FAM184A: variants seen among roughly 807,000 people sequenced by gnomAD.
FAM184A encodes protein FAM184A.
FAM184A carries 99 observed loss-of-function variants against 143.8 expected under a neutral mutation model. The observed-to-expected ratio is 0.69, with a 90% CI of 0.58 to 0.81. The LOEUF is 0.81. Ranked by LOEUF, FAM184A falls within the 40% of genes least tolerant of loss-of-function variation. The pLI, the probability that FAM184A is intolerant of heterozygous loss-of-function variation, is 0.00. For missense variants in FAM184A, 1,217 were observed against 1,310.5 expected (o/e 0.93, Z 1.10); for synonymous variants, 427 against 446.4 (o/e 0.96, Z 0.55).
At chr6:119,134,758 C>G (rs1789619906) in intron 1 of FAM184A, among the ~76,000 whole-genome samples, 1 of 152,006 alleles carries the variant, frequency 6.6e-6, no homozygotes, top group African/African-American at 2.4e-5. Flanking sequence ...GGGAAAAACT[C>G]ACAGGCAGAA....
chr6:119,137,694 C>G (rs1772061483), intron 1 of FAM184A, among the ~76,000 whole-genome samples: 1 of 152,168 alleles, frequency 6.6e-6, no homozygotes, highest in Non-Finnish European at 1.5e-5. Context: ...TTTCCTGAGT[C>G]ATCTGTCAGG....
intron 5 of FAM184A, among the ~76,000 whole-genome samples, chr6:119,016,247 A>G (rs1165945513): frequency 6.6e-6 from 1 of 152,208 alleles, no homozygotes; most frequent in East Asian, 1.9e-4. Context: ...AGATAAGAGA[A>G]TAAAAGCAGG....
At chr6:119,104,184 C>T in intron 1 of FAM184A, among the ~76,000 whole-genome samples, 1 of 152,044 alleles carries the variant, frequency 6.6e-6, no homozygotes, top group East Asian at 1.9e-4. Context: ...CCACCAAGCC[C>T]AGCTAATTTT....
At chr6:119,068,047 G>GTTT (rs148034802) in intron 1 of FAM184A, among the ~76,000 whole-genome samples, 1 of 112,282 alleles carries the variant, frequency 8.9e-6, no homozygotes, top group Non-Finnish European at 1.9e-5. Context: ...TTGTGTGTGG[G>GTTT]TTTTTTTTTT....
chr6:118,969,809 C>CA (rs1783620113), intron 14 of FAM184A, among the ~76,000 whole-genome samples: 4 of 146,432 alleles, frequency 2.7e-5, no homozygotes, highest in Non-Finnish European at 6.0e-5. Flanking sequence ...CCCCCCACCC[C>CA]GTGACAGGCC....
At chr6:119,034,045 G>T (rs62421118) in intron 1 of FAM184A, among the ~76,000 whole-genome samples, 496 of 25,712 alleles carry the variant, frequency 0.019, 1 homozygote, top group Middle Eastern at 0.04. Flanking sequence ...TATATATAGA[G>T]AGAGAGAGAG....
chr6:119,101,564 C>T (rs570114891), intron 1 of FAM184A, among the ~76,000 whole-genome samples: 2 of 152,262 alleles, frequency 1.3e-5, no homozygotes, highest in African/African-American at 2.4e-5. Context: ...CTTTTCCCAC[C>T]ATACCCACAT....
chr6:119,136,298 A>G (rs1455168028), intron 1 of FAM184A, among the ~76,000 whole-genome samples: 7 of 151,548 alleles, frequency 4.6e-5, no homozygotes, highest in Non-Finnish European at 7.4e-5. Flanking sequence ...AAAAAAAAAA[A>G]AAAAAAAAAG....
rs71556825 is a variant in FAM184A, at chr6:119,107,777, C to CA, written c.-202+41300dup. On this transcript the variant is annotated intron_variant, in intron 1 of 16. Coordinates refer to the FAM184A transcript ENST00000352896. Reference sequence around the variant, plus strand: ...TGGGTGACAGAGTGAGACTTTGTCTCAAAAAAAAAAAAAAAAAAGAAAGAA... The same window carrying CA: ...TGGGTGACAGAGTGAGACTTTGTCTCAAAAAAAAAAAAAAAAAAAGAAAGAA... Among the ~76,000 whole-genome samples, 255 of 100,778 alleles carry CA rather than the reference C, an allele frequency of 2.5e-3. 1 individual carries two copies. The highest frequency in any genetic ancestry group is 9.6e-3 in the African/African-American group (208 of 21,720). The allele number at this position is 100,778 out of a possible 152,430, so 66.1% of individuals were successfully genotyped here.
At chr6:118,963,761 A>T (rs553162477) in intron 16 of FAM184A, 21 of 150,022 alleles carry the variant, frequency 1.4e-4, no homozygotes, top group Non-Finnish European at 2.8e-4. Context: ...CTATGAAGCC[A>T]ATATATATAT....
At chr6:119,117,629 G>A (rs1789094503) in intron 1 of FAM184A, among the ~76,000 whole-genome samples, 1 of 152,194 alleles carries the variant, frequency 6.6e-6, no homozygotes, top group South Asian at 2.1e-4. Flanking sequence ...GGTTTATGAA[G>A]TACTTTATCT....
At chr6:119,103,368 T>C (rs568513716) in intron 1 of FAM184A, among the ~76,000 whole-genome samples, 18 of 152,328 alleles carry the variant, frequency 1.2e-4, no homozygotes, top group Non-Finnish European at 2.5e-4. Flanking sequence ...AGTTAACAAA[T>C]TTCTATTATT....
intron 1 of FAM184A, among the ~76,000 whole-genome samples, chr6:119,141,249 T>A (rs1036841966): frequency 8.5e-5 from 13 of 152,328 alleles, no homozygotes; most frequent in African/African-American, 3.1e-4. Flanking sequence ...ATTGCCCTGG[T>A]GTTGATCTTA....
At chr6:119,063,060 A>C (rs1010222963) in intron 1 of FAM184A, among the ~76,000 whole-genome samples, 2 of 151,882 alleles carry the variant, frequency 1.3e-5, no homozygotes, top group South Asian at 4.1e-4. Context: ...CATCAACAAA[A>C]AGGTGAAACC....
intron 1 of FAM184A, among the ~76,000 whole-genome samples, chr6:119,058,853 G>C (rs1787110081): frequency 6.6e-6 from 1 of 152,124 alleles, no homozygotes; most frequent in African/African-American, 2.4e-5. Flanking sequence ...CCAGCCATTT[G>C]AGTCTTCCAT....
At chr6:119,129,401 G>C (rs1789466520) in intron 1 of FAM184A, among the ~76,000 whole-genome samples, 2 of 152,168 alleles carry the variant, frequency 1.3e-5, no homozygotes, top group Non-Finnish European at 1.5e-5. Context: ...AAGCAGATGT[G>C]GTGGGGCTTT....
intron 9 of FAM184A, among the ~76,000 whole-genome samples, chr6:118,988,934 T>C (rs1259540255): frequency 6.6e-6 from 1 of 150,872 alleles, no homozygotes; most frequent in Non-Finnish European, 1.5e-5. Context: ...TGCTTTAACA[T>C]GGTTTTTACT....
intron 1 of FAM184A, among the ~76,000 whole-genome samples, chr6:119,144,163 T>C (rs1444405236): frequency 3.0e-5 from 1 of 32,924 alleles, no homozygotes; most frequent in African/African-American, 1.1e-4. Flanking sequence ...CTGTCTCTAC[T>C]AAAAATACAA....
intron 7 of FAM184A, among the ~76,000 whole-genome samples, 170 bp from the exon 8 acceptor site, chr6:119,003,792 T>C (rs550211444): frequency 1.3e-5 from 2 of 152,368 alleles, no homozygotes; most frequent in South Asian, 2.1e-4. Context: ...AAATAAAATA[T>C]GTAAAACAAA....
Sources: allele counts gnomAD v4.1 joint callset (sites outside exome capture counted in the v4.1 genomes callset), GRCh38; gene constraint gnomAD v4.1.1; transcripts MANE v1.5; gene names NCBI Gene and HGNC (gene_info 2026-07-23, HGNC 2026-07-21).